FES: variants seen among roughly 807,000 people sequenced by gnomAD.
The protein encoded by FES is FES proto-oncogene, tyrosine kinase.
A neutral mutation model predicts 109.6 loss-of-function variants in FES; 83 were observed. The ratio of observed to expected loss-of-function variants is 0.76; its 90% CI spans 0.63 to 0.91. The LOEUF (loss-of-function observed/expected upper bound fraction) is 0.91, where lower values mean the gene tolerates loss of function less well. Among genes scored for constraint, FES ranks in the 40% least tolerant of loss-of-function variants. The pLI, the probability that FES is intolerant of heterozygous loss-of-function variation, is 0.00. For synonymous variants in FES, 458 were observed against 442.1 expected (o/e 1.04, Z -0.45); for missense variants, 943 against 1,070.9 (o/e 0.88, Z 1.67).
In FES at chr15:90,890,289, C is replaced by G; in HGVS notation, c.1236+11C>G. ...TCCACGTCGTCCTCGGTGAGCTGCC[C>G]CATCCGCGGCCGCTGCCCGCCACCG... On this transcript the variant is annotated intron_variant, in intron 9 of 18. Coordinates refer to ENST00000328850, the MANE Select transcript of FES (RefSeq NM_002005.4). The G allele has an allele frequency of 6.3e-7, 1 of 1,586,936 alleles. No individual in the cohort carries two copies. The highest frequency in any genetic ancestry group is 8.6e-7 in the Non-Finnish European group (1 of 1,168,658).
At position 90,893,778 on chromosome 15, in the gene FES, G is replaced by A. The variant is rs146251439; in HGVS notation, c.2170G>A (p.Val724Met). 225 of 1,604,444 alleles carry A rather than the reference G, an allele frequency of 1.4e-4. No homozygotes were observed. Among genetic ancestry groups the A allele is most frequent in the Non-Finnish European group, 1.7e-4 (194 of 1,174,920 alleles). The change falls in exon 17 of 19, where the codon GTG becomes ATG. Residue 724 changes from valine (V) to methionine (M), a missense_variant. Coordinates refer to ENST00000328850, the MANE Select transcript of FES (RefSeq NM_002005.4). ...AASGGLRQVP[V>M]KWTAPEALNY... Reference sequence around the variant, plus strand: ...CTCAGGGGGCCTCAGACAAGTCCCCGTGAAGTGGACCGCACCTGAGGCCCT... The same window carrying A: ...CTCAGGGGGCCTCAGACAAGTCCCCATGAAGTGGACCGCACCTGAGGCCCT...
rs759707094 is a variant in FES, at chr15:90,889,314, T to C, written c.677T>C (p.Ile226Thr). 8.7e-6 allele frequency: 14 copies of C among 1,613,452 alleles called. No homozygotes were observed. Among genetic ancestry groups the C allele is most frequent in the Non-Finnish European group, 5.1e-6 (6 of 1,179,894 alleles). ...TCCCGTCTCGGGGGCAGGAAGGAGATCCTGCAGGAATACCTGGAGATTAGC... is the reference window on the plus strand; with the variant it reads ...TCCCGTCTCGGGGGCAGGAAGGAGACCCTGCAGGAATACCTGGAGATTAGC... ...HEEMACILKE[I>T]LQEYLEISSL... The change falls in exon 6 of 19, where the codon ATC (isoleucine) becomes ACC (threonine). Residue 226 changes from isoleucine (I) to threonine (T), a missense_variant. Physicochemically the swap from Ile to Thr is moderately conservative, Grantham distance 89. Coordinates refer to ENST00000328850, the MANE Select transcript of FES (RefSeq NM_002005.4). The surrounding 1 kb of genome is among the most constrained non-coding windows in gnomAD (Gnocchi z 6.1).
Position 90,885,223 on chromosome 15 carries a change from A to G in FES, c.178A>G (p.Ser60Gly), listed in dbSNP as rs745476643. 1 of 1,613,420 alleles carries G rather than the reference A, an allele frequency of 6.2e-7. No individual in the cohort carries two copies. The highest frequency in any genetic ancestry group is 1.1e-5 in the South Asian group (1 of 91,088). The change falls in exon 2 of 19, where the codon AGC becomes GGC. Residue 60 changes from serine (S) to glycine (G), a missense_variant. Ser to Gly is a moderately conservative substitution (Grantham distance 56). Coordinates refer to ENST00000328850, the MANE Select transcript of FES (RefSeq NM_002005.4). ...HMSLQDSGGQSRAISPDSPIS... is the reference protein window; with the variant it reads ...HMSLQDSGGQGRAISPDSPIS... ...GTCCCTGCAGGACAGTGGGGGCCAGAGCCGGGCCATCAGCCCTGACAGCCC... is the reference window on the plus strand; with the variant it reads ...GTCCCTGCAGGACAGTGGGGGCCAGGGCCGGGCCATCAGCCCTGACAGCCC...
Position 90,889,280 on chromosome 15 carries a change from G to T in FES, c.669-26G>T. On this transcript the variant is annotated intron_variant, in intron 5 of 18. Coordinates refer to ENST00000328850, the MANE Select transcript of FES (RefSeq NM_002005.4). This position sits in a 1 kb window ranked among gnomAD's most constrained non-coding sequence, Gnocchi z 6.1. ...GCCTTGCCCAGCCTGAGGCTCCCCT[G>T]ACTGGGGATCCCGTCTCGGGGGCAG... is the stretch of plus-strand genomic sequence containing the variant. The T allele has an allele frequency of 1.2e-6, 2 of 1,611,334 alleles. No individual in the cohort carries two copies. The highest frequency in any genetic ancestry group is 2.2e-5 in the South Asian group (2 of 90,968).
At chr15:90,894,367 C>T (rs1289498904) in intron 18 of FES, among the ~76,000 whole-genome samples, 1 of 152,096 alleles carries the variant, frequency 6.6e-6, no homozygotes, top group Non-Finnish European at 1.5e-5. Context: ...GGTGGATCAC[C>T]TGTGGTCAGG....
rs765895333 is a variant in FES, at chr15:90,892,037, CCT to C, written c.1654-20_1654-19del. On this transcript the variant is annotated intron_variant, in intron 12 of 18. Coordinates refer to ENST00000328850, the MANE Select transcript of FES (RefSeq NM_002005.4). ...CCCCTTTTCTTCAGACTTCTGATCCCCTGTCTCCTCTCTTCCCCAGGACAAGT... is the reference window on the plus strand; with the variant it reads ...CCCCTTTTCTTCAGACTTCTGATCCCGTCTCCTCTCTTCCCCAGGACAAGT... The C allele has an allele frequency of 6.1e-5, 98 of 1,613,960 alleles. No homozygotes were observed. The highest frequency in any genetic ancestry group is 7.6e-5 in the Non-Finnish European group (90 of 1,179,958).
In FES at chr15:90,895,611, C is replaced by G; in HGVS notation, c.*53C>G. The stretch of plus-strand genomic sequence containing the variant: ...GCCTCTGCAGGCCTAGGTGCAGCTC[C>G]TCAGCGGCTCCAGCTCATATGCTGA... On this transcript the variant is annotated 3_prime_UTR_variant, in exon 19 of 19. Transcript: ENST00000328850. The G allele has an allele frequency of 6.9e-7, 1 of 1,458,954 alleles. No homozygotes were observed. Among genetic ancestry groups the G allele is most frequent in the Non-Finnish European group, 9.1e-7 (1 of 1,097,140 alleles). 90.4% of individuals were successfully genotyped at this position (1,458,954 alleles called of 1,614,324 possible).
In FES at chr15:90,890,324, C is replaced by T. The variant is rs1370955669; in HGVS notation, c.1236+46C>T. 3.8e-6 allele frequency: 6 copies of T among 1,590,346 alleles called. No individual in the cohort carries two copies. The African/African-American group carries it at 6.7e-5, about 18-fold the overall frequency. On this transcript the variant is annotated intron_variant, in intron 9 of 18. Transcript: ENST00000328850. ...CCGCTGCCCGCCACCGGCCTGCCCA[C>T]CTGGGGCTGCGCTCCTCATTTTCGC...
intron 15 of FES, 29 bp from the exon 16 acceptor site, chr15:90,893,262 G>T (rs753101032): frequency 1.2e-6 from 2 of 1,611,896 alleles, no homozygotes; most frequent in South Asian, 2.2e-5. Flanking sequence ...TACCTCAGGA[G>T]GCTCAGCAGG....
rs1231101961 is a variant in FES, at chr15:90,885,590, G to A, written c.387+5G>A. 7 of 1,612,274 alleles carry A rather than the reference G, an allele frequency of 4.3e-6. No homozygotes were observed. Among genetic ancestry groups the A allele is most frequent in the African/African-American group, 1.3e-5 (1 of 74,906 alleles). ...CTGCAGCAGGAGCTCACCAAGGTGAGCGGGCAGCACTGGGGCTTCGGTCAT... is the reference window on the plus strand; with the variant it reads ...CTGCAGCAGGAGCTCACCAAGGTGAACGGGCAGCACTGGGGCTTCGGTCAT... On this transcript the variant is annotated splice_donor_5th_base_variant and intron_variant, in intron 3 of 18. Coordinates refer to ENST00000328850, the MANE Select transcript of FES (RefSeq NM_002005.4).
rs1367155670 is a variant in FES at position 90,895,566 on chromosome 15, AC to A, written c.*13del. ...CGAAAGCGGCATCGGTGAGGCTGGGACCCCCTTCTCAAGCTGGTGGCCTCTG... is the reference window on the plus strand; with the variant it reads ...CGAAAGCGGCATCGGTGAGGCTGGGACCCCTTCTCAAGCTGGTGGCCTCTG... On this transcript the variant is annotated 3_prime_UTR_variant, in exon 19 of 19. Coordinates refer to ENST00000328850, the MANE Select transcript of FES (RefSeq NM_002005.4). The A allele has an allele frequency of 1.6e-5, 25 of 1,550,826 alleles. No homozygotes were observed. The highest frequency in any genetic ancestry group is 2.2e-5 in the Non-Finnish European group (25 of 1,146,446).
chr15:90,885,252 C>T lies in FES; in HGVS notation c.207C>T (p.Ile69=), dbSNP rs563480688. The T allele has an allele frequency of 6.0e-5, 97 of 1,612,284 alleles. 2 individuals are homozygous for T. The highest frequency in any genetic ancestry group is 5.0e-4 in the Middle Eastern group (3 of 6,060). ...GGGCCATCAGCCCTGACAGCCCCATCAGTCAGGTGGGTCTCTATGGGACTC... is the reference window on the plus strand; with the variant it reads ...GGGCCATCAGCCCTGACAGCCCCATTAGTCAGGTGGGTCTCTATGGGACTC... The part of the protein sequence containing the change: ...QSRAISPDSP[I]SQSWAEITSQ... Residue 69 remains isoleucine (I), a synonymous_variant, in exon 2 of 19, where the codon ATC becomes ATT. Coordinates refer to ENST00000328850, the MANE Select transcript of FES (RefSeq NM_002005.4).
At chr15:90,893,218 A>AGGTAGG in intron 15 of FES, 24 bp downstream of exon 15, 1 of 1,613,540 alleles carries the variant, frequency 6.2e-7, no homozygotes, top group Non-Finnish European at 8.5e-7. Context: ...GCTGAGCTCC[A>AGGTAGG]GGTAGGGCGC....
Position 90,889,135 on chromosome 15 carries a change from A to T in FES, c.669-171A>T. ...CAGTGTCCCTCTTATATATATCAGG[A>T]AATAGAAGATTAGGGAGAGGTTAAA... On this transcript the variant is annotated intron_variant, in intron 5 of 18. Coordinates refer to ENST00000328850, the MANE Select transcript of FES (RefSeq NM_002005.4). This position sits in a 1 kb window ranked among gnomAD's most constrained non-coding sequence, Gnocchi z 6.1. 1.3e-6 allele frequency: 1 copy of T among 772,444 alleles called. No homozygotes were observed. The highest frequency in any genetic ancestry group is 2.0e-6 in the Non-Finnish European group (1 of 490,498). 47.8% of individuals were successfully genotyped at this position (772,444 alleles called of 1,614,324 possible). A position where few individuals can be genotyped will look rare whatever the true frequency, so the allele number is the denominator to read the frequency against.
At position 90,890,415 on chromosome 15, in the gene FES, G is replaced by T. The variant is rs147101703; in HGVS notation, c.1251G>T (p.Glu417Asp). 27 of 1,612,882 alleles carry T rather than the reference G, an allele frequency of 1.7e-5. No homozygotes were observed. The African/African-American group carries it at 2.0e-4, about 12-fold the overall frequency. Residue 417 changes from glutamate (E) to aspartate (D), a missense_variant, in exon 10 of 19, where the codon GAG (glutamate) becomes GAT (aspartate). Glu to Asp is a conservative substitution (Grantham distance 45). Transcript: ENST00000328850. ...HSTSSSEQER[E>D]GGRTPTLEIL... Reference sequence around the variant, plus strand: ...CCTGGCCTCAGGAGCAGGAGCGAGAGGGGGGAAGGACACCCACGCTGGAGA... The same window carrying T: ...CCTGGCCTCAGGAGCAGGAGCGAGATGGGGGAAGGACACCCACGCTGGAGA...
At position 90,885,260 on chromosome 15, in the gene FES, T is replaced by C. The variant is rs2151240914; in HGVS notation, c.213+2T>C. The C allele has an allele frequency of 6.2e-7, 1 of 1,611,030 alleles. No individual in the cohort carries two copies. Among genetic ancestry groups the C allele is most frequent in the Admixed American group, 1.7e-5 (1 of 59,956 alleles). On this transcript the variant is annotated splice_donor_variant, in intron 2 of 18. Transcript: ENST00000328850. LOFTEE classifies it high-confidence loss of function. ...AGCCCTGACAGCCCCATCAGTCAGGTGGGTCTCTATGGGACTCTGGTGGGT... is the reference window on the plus strand; with the variant it reads ...AGCCCTGACAGCCCCATCAGTCAGGCGGGTCTCTATGGGACTCTGGTGGGT...
chr15:90,885,491 C>T lies in FES; in HGVS notation c.293C>T (p.Pro98Leu). ...RQHAEDLNSG[P>L]LSKLSLLIRE... is the part of the protein sequence containing the mutation. ...CACGCAGAGGATCTGAACTCAGGGCCCCTGAGCAAGCTGAGCCTGCTCATC... is the reference window on the plus strand; with the variant it reads ...CACGCAGAGGATCTGAACTCAGGGCTCCTGAGCAAGCTGAGCCTGCTCATC... Residue 98 changes from proline (P) to leucine (L), a missense_variant, in exon 3 of 19, where the codon CCC (proline) becomes CTC (leucine). By Grantham distance (98) the Pro-to-Leu change is moderately conservative. Coordinates refer to ENST00000328850, the MANE Select transcript of FES (RefSeq NM_002005.4). 1.2e-6 allele frequency: 2 copies of T among 1,613,436 alleles called. No homozygotes were observed. Among genetic ancestry groups the T allele is most frequent in the Non-Finnish European group, 1.7e-6 (2 of 1,180,034 alleles).
In FES at chr15:90,893,973, C is replaced by T. The variant is rs1160908051; in HGVS notation, c.2241C>T (p.Gly747=). Reference sequence around the variant, plus strand: ...CCGAAAGCGACGTGTGGAGCTTTGGCATCTTGCTCTGGGAGACCTTCAGCC... The same window carrying T: ...CCGAAAGCGACGTGTGGAGCTTTGGTATCTTGCTCTGGGAGACCTTCAGCC... ...YSSESDVWSF[G]ILLWETFSLG... The change falls in exon 18 of 19, where the codon GGC becomes GGT. Residue 747 remains glycine, a synonymous_variant. Transcript: ENST00000328850. 3 of 1,613,870 alleles carry T rather than the reference C, an allele frequency of 1.9e-6. No individual in the cohort carries two copies. Among genetic ancestry groups the T allele is most frequent in the East Asian group, 2.2e-5 (1 of 44,882 alleles).
At position 90,890,471 on chromosome 15, in the gene FES, G is replaced by T. The variant is rs139750858; in HGVS notation, c.1307G>T (p.Arg436Leu). 2 of 1,612,866 alleles carry T rather than the reference G, an allele frequency of 1.2e-6. No homozygotes were observed. The highest frequency in any genetic ancestry group is 2.2e-5 in the East Asian group (1 of 44,872). The change falls in exon 10 of 19, where the codon CGC (arginine) becomes CTC (leucine). Residue 436 changes from arginine to leucine, a missense_variant. Arg to Leu is a moderately radical substitution (Grantham distance 102). Transcript: ENST00000328850. ...ILKSHISGIF[R>L]PKFSLPPPLQ... ...AAGAGCCACATCTCAGGAATCTTCC[G>T]CCCCAAGTTCTCGGTGAGTGGCGCC...
Sources: gnomAD v4.1 joint callset for allele counts (sites outside exome capture counted in the v4.1 genomes callset) on GRCh38, gnomAD v4.1.1 for gene constraint, Gnocchi (gnomAD v3.1) non-coding constraint, MANE v1.5 for transcripts, NCBI Gene and HGNC (gene_info 2026-07-23, HGNC 2026-07-21) for gene names.